Variants in ANKFY1 observed in about 807,000 individuals in gnomAD.
ANKFY1 encodes ankyrin repeat and FYVE domain-containing protein 1.
In ANKFY1, 47 loss-of-function variants were observed where a neutral mutation model predicts 128.3. That is an observed-to-expected ratio of 0.37 (90% CI 0.29 to 0.47). The LOEUF (loss-of-function observed/expected upper bound fraction) is 0.47, where lower values mean the gene tolerates loss of function less well. Among genes scored for constraint, ANKFY1 ranks in the 20% least tolerant of loss-of-function variants. The probability of loss-of-function intolerance (pLI) is 1.00; values close to 1 mark genes in which losing one functional copy is unlikely to be tolerated. For missense variants in ANKFY1, 1,222 were observed against 1,510.6 expected (o/e 0.81, Z 3.17); for synonymous variants, 553 against 601.6 (o/e 0.92, Z 1.18).
chr17:4,219,077 T>A (rs886380605), intron 3 of ANKFY1, among the ~76,000 whole-genome samples: 26 of 152,230 alleles, frequency 1.7e-4, no homozygotes, highest in African/African-American at 6.3e-4. Flanking sequence ...AATTTATAAC[T>A]AATTTTTCTT....
chr17:4,201,302 T>G (rs9915315), intron 7 of ANKFY1, among the ~76,000 whole-genome samples: 144,047 of 152,290 alleles, frequency 0.95, 68,661 homozygotes, highest in East Asian at 1. Flanking sequence ...AAAGTGCTGG[T>G]ATGACAGGCG....
At chr17:4,223,031 A>G (rs1350261125) in intron 3 of ANKFY1, 1 of 767,046 alleles carries the variant, frequency 1.3e-6, no homozygotes, top group East Asian at 2.5e-5. Flanking sequence ...CTCTAATAAA[A>G]GATGTACTCC....
At chr17:4,170,889 A>G in intron 22 of ANKFY1, 28 bp from the exon 23 acceptor site, 1 of 1,613,778 alleles carries the variant, frequency 6.2e-7, no homozygotes, top group Non-Finnish European at 8.5e-7. Context: ...GCGCAGGGCT[A>G]CTTCCCACCC....
At position 4,183,445 on chromosome 17, in the gene ANKFY1, G is replaced by T; in HGVS notation, c.1905C>A (p.Ser635Arg). 6.2e-7 allele frequency: 1 copy of T among 1,613,840 alleles called. No individual in the cohort carries two copies. Among genetic ancestry groups the T allele is most frequent in the African/African-American group, 1.3e-5 (1 of 75,046 alleles). Residue 635 changes from serine to arginine, a missense_variant, in exon 14 of 25, where the codon AGC (serine) becomes AGA (arginine). Transcript: ENST00000341657. The stretch of plus-strand genomic sequence containing the variant: ...GCTCCAGCAGGAAGAGTGCGCTCTT[G>T]CTGTCCTGCCGCTGTATGGCCATGT... Reference protein sequence around the residue: ...LLHMAIQRQDSKSALFLLEHQ... With the variant: ...LLHMAIQRQDRKSALFLLEHQ...
intron 3 of ANKFY1, among the ~76,000 whole-genome samples, chr17:4,221,434 ACT>A (rs1295281882): frequency 6.6e-6 from 1 of 151,602 alleles, no homozygotes; most frequent in East Asian, 1.9e-4. Flanking sequence ...CTGGCCTTGA[ACT>A]CTTGGCCTTA....
chr17:4,210,262 G>A (rs1272905355), intron 4 of ANKFY1, among the ~76,000 whole-genome samples: 3 of 152,158 alleles, frequency 2.0e-5, no homozygotes, highest in African/African-American at 7.2e-5. Context: ...GGTAATTGTC[G>A]AATCAAGCAC....
chr17:4,217,777 C>G (rs2060245736), intron 3 of ANKFY1, among the ~76,000 whole-genome samples: 1 of 152,128 alleles, frequency 6.6e-6, no homozygotes, highest in South Asian at 2.1e-4. Flanking sequence ...CTCGAACTCC[C>G]TGGGCTCAAG....
chr17:4,209,448 G>A (rs770171179), intron 5 of ANKFY1, among the ~76,000 whole-genome samples: 45 of 152,160 alleles, frequency 3.0e-4, no homozygotes, highest in Non-Finnish European at 6.3e-4. Flanking sequence ...CTACAGGCAC[G>A]CACCACTGAG....
intron 19 of ANKFY1, 76 bp downstream of exon 19, chr17:4,177,050 G>A: frequency 7.2e-7 from 1 of 1,391,254 alleles, no homozygotes; most frequent in African/African-American, 1.5e-5. Context: ...CAAAGCACCT[G>A]TGATGAGATT....
rs2059222876 is a variant in ANKFY1 at position 4,167,002 on chromosome 17, G to A, written c.*777C>T. On this transcript the variant is annotated 3_prime_UTR_variant, in exon 25 of 25. Transcript: ENST00000341657. The surrounding 1 kb of genome is among the most constrained non-coding windows in gnomAD (Gnocchi z 4.1). The stretch of plus-strand genomic sequence containing the variant: ...ATAAAAAGTGCAGCACAGTAAAAGT[G>A]CATTTCCTCCAGCACTCTCCAACAG... The A allele has an allele frequency of 6.6e-6, 1 of 152,618 alleles. No individual in the cohort carries two copies. Among genetic ancestry groups the A allele is most frequent in the African/African-American group, 2.4e-5 (1 of 41,440 alleles). 9.5% of individuals were successfully genotyped at this position (152,618 alleles called of 1,614,324 possible).
At chr17:4,188,636 C>T (rs2143007099) in intron 11 of ANKFY1, 1 of 152,298 alleles carries the variant, frequency 6.6e-6, no homozygotes, top group Middle Eastern at 3.4e-3. Flanking sequence ...AAGACAAGCA[C>T]ATCCTCATGG....
At position 4,195,147 on chromosome 17, in the gene ANKFY1, G is replaced by A. The variant is rs1267972798; in HGVS notation, c.1203C>T (p.Gly401=). Residue 401 remains glycine (G), a synonymous_variant, in exon 10 of 25, where the codon GGC becomes GGT. Coordinates refer to ENST00000341657, the MANE Select transcript of ANKFY1 (RefSeq NM_001330063.2). Reference sequence around the variant, plus strand: ...GCACTGCCAGCCACAGAGCCGTGCTGCCCTCGTGGTCTTTGAGTTCTAAAT... The same window carrying A: ...GCACTGCCAGCCACAGAGCCGTGCTACCCTCGTGGTCTTTGAGTTCTAAAT... The part of the protein sequence containing the change: ...QLDLELKDHE[G]STALWLAVQH... 2 of 1,611,348 alleles carry A rather than the reference G, an allele frequency of 1.2e-6. No homozygotes were observed. The highest frequency in any genetic ancestry group is 2.2e-5 in the East Asian group (1 of 44,842).
chr17:4,259,347 C>T (rs1185435814), intron 1 of ANKFY1, among the ~76,000 whole-genome samples: 1 of 152,224 alleles, frequency 6.6e-6, no homozygotes, highest in Non-Finnish European at 1.5e-5. Context: ...GTGGCGCGAT[C>T]TCGGATCACT....
At chr17:4,221,275 A>T (rs1448966220) in intron 3 of ANKFY1, among the ~76,000 whole-genome samples, 4 of 152,148 alleles carry the variant, frequency 2.6e-5, no homozygotes, top group African/African-American at 9.7e-5. Flanking sequence ...ACAATGGTGC[A>T]ATCACAGCTT....
chr17:4,183,970 G>C, intron 12 of ANKFY1, 60 bp from the exon 13 acceptor site: 1 of 1,450,936 alleles, frequency 6.9e-7, no homozygotes, highest in South Asian at 1.1e-5. Flanking sequence ...CACACTTAAA[G>C]CTTCAGTAGA....
chr17:4,205,641 C>T (rs2060009599), intron 7 of ANKFY1, among the ~76,000 whole-genome samples: 1 of 151,532 alleles, frequency 6.6e-6, no homozygotes, highest in Non-Finnish European at 1.5e-5. Flanking sequence ...ACTGGGGAGG[C>T]TGAGGCAGGA....
chr17:4,240,064 CTTTT>C (rs11290920), intron 2 of ANKFY1, among the ~76,000 whole-genome samples: 8 of 114,216 alleles, frequency 7.0e-5, no homozygotes, highest in Admixed American at 8.9e-5. Flanking sequence ...ATTAGCATGC[CTTTT>C]TTTTTTTTTT....
At chr17:4,253,586 T>C (rs1967957229) in intron 1 of ANKFY1, among the ~76,000 whole-genome samples, 1 of 152,176 alleles carries the variant, frequency 6.6e-6, no homozygotes, top group Non-Finnish European at 1.5e-5. Flanking sequence ...CTCTATTCTA[T>C]CCCACACACA....
At chr17:4,247,244 C>G (rs1019505140) in intron 1 of ANKFY1, among the ~76,000 whole-genome samples, 1 of 152,176 alleles carries the variant, frequency 6.6e-6, no homozygotes, top group Admixed American at 6.5e-5. Context: ...TCTCTGCTCT[C>G]TAGGAAACCA....
Sources: gnomAD v4.1 joint callset for allele counts (sites outside exome capture counted in the v4.1 genomes callset) on GRCh38, gnomAD v4.1.1 for gene constraint, Gnocchi (gnomAD v3.1) non-coding constraint, MANE v1.5 for transcripts, NCBI Gene and HGNC (gene_info 2026-07-23, HGNC 2026-07-21) for gene names.